Variants in MAMDC2 observed in about 807,000 individuals in gnomAD.
MAMDC2 encodes the protein MAM domain containing 2, also known as MAM domain-containing protein 2.
A neutral mutation model predicts 89.8 loss-of-function variants in MAMDC2; 57 were observed. The observed-to-expected ratio is 0.63, with a 90% CI of 0.51 to 0.79. The LOEUF is 0.79. MAMDC2 is among the 30% of genes least tolerant of loss of function. MAMDC2 has a pLI of 0.00. For missense variants in MAMDC2, 800 were observed against 820.6 expected, an observed-to-expected ratio of 0.97 and a Z score of 0.31; for synonymous variants, 313 against 293.4, an observed-to-expected ratio of 1.07 and a Z score of -0.68.
chr9:70,069,459 C>T (rs1182674259), intron 2 of MAMDC2, among the ~76,000 whole-genome samples: 1 of 152,158 alleles, frequency 6.6e-6, no homozygotes, highest in African/African-American at 2.4e-5. Flanking sequence ...GTGTATCAAA[C>T]AGCCAAGGCT....
At chr9:70,058,661 T>TG (rs75758544) in intron 2 of MAMDC2, among the ~76,000 whole-genome samples, 16,550 of 152,236 alleles carry the variant, frequency 0.11, 1,305 homozygotes, top group East Asian at 0.35. Flanking sequence ...GGCTCCTGCC[T>TG]GCCTTCTGTG....
At chr9:70,084,008 T>C (rs1368122368) in intron 2 of MAMDC2, among the ~76,000 whole-genome samples, 1 of 152,122 alleles carries the variant, frequency 6.6e-6, no homozygotes, top group Non-Finnish European at 1.5e-5. Flanking sequence ...TCTTTTCCAA[T>C]GTTAATGTTT....
At chr9:70,218,228 G>A in intron 11 of MAMDC2, 109 bp from the exon 12 acceptor site, 2 of 1,209,730 alleles carry the variant, frequency 1.7e-6, no homozygotes, top group Non-Finnish European at 2.3e-6. Flanking sequence ...CCCTTTATCA[G>A]TACTTTTAGT....
At chr9:70,204,811 C>T (rs553455332) in intron 11 of MAMDC2, among the ~76,000 whole-genome samples, 1 of 152,264 alleles carries the variant, frequency 6.6e-6, no homozygotes, top group South Asian at 2.1e-4. Context: ...TGGGAGTGAC[C>T]CGATTTTCCA....
intron 12 of MAMDC2, among the ~76,000 whole-genome samples, chr9:70,224,579 A>G (rs10868742): frequency 0.86 from 130,338 of 152,148 alleles, 56,068 homozygotes; most frequent in East Asian, 0.96. Context: ...CAGAAGAGAG[A>G]GCAAACTTGC....
chr9:70,096,030 T>C (rs1232411716), intron 2 of MAMDC2, among the ~76,000 whole-genome samples: 3 of 152,112 alleles, frequency 2.0e-5, no homozygotes, highest in African/African-American at 7.2e-5. Context: ...AAGTTTTTTT[T>C]TTCTTTTTTT....
intron 11 of MAMDC2, among the ~76,000 whole-genome samples, chr9:70,192,897 G>A (rs948010742): frequency 1.3e-4 from 20 of 152,154 alleles, no homozygotes; most frequent in Non-Finnish European, 2.5e-4. Context: ...TCAAGGGCGA[G>A]GGAGGTTCTG....
At chr9:70,144,640 G>A (rs1348577553) in intron 9 of MAMDC2, among the ~76,000 whole-genome samples, 1 of 152,178 alleles carries the variant, frequency 6.6e-6, no homozygotes, top group Admixed American at 6.5e-5. Flanking sequence ...CCTTCAAACA[G>A]ATAACTCACA....
intron 9 of MAMDC2, among the ~76,000 whole-genome samples, chr9:70,165,857 A>G (rs985806487): frequency 2.0e-5 from 3 of 152,226 alleles, no homozygotes; most frequent in African/African-American, 7.2e-5. Flanking sequence ...AGTGGCTATC[A>G]TAATAGACAA....
At chr9:70,159,997 AG>A (rs2031910926) in intron 9 of MAMDC2, among the ~76,000 whole-genome samples, 1 of 152,126 alleles carries the variant, frequency 6.6e-6, no homozygotes, top group South Asian at 2.1e-4. Flanking sequence ...AGATCACTTG[AG>A]GCCAGGAGAT....
At chr9:70,109,911 G>A in intron 4 of MAMDC2, 107 bp downstream of exon 4, 1 of 859,978 alleles carries the variant, frequency 1.2e-6, no homozygotes, top group Non-Finnish European at 2.0e-6. Flanking sequence ...TTTATAGAAT[G>A]CACTGCATAA....
intron 11 of MAMDC2, among the ~76,000 whole-genome samples, chr9:70,195,697 C>A (rs2032962816): frequency 6.6e-6 from 1 of 152,024 alleles, no homozygotes; most frequent in Admixed American, 6.6e-5. Context: ...TCTCCATTAT[C>A]AGATGTTCTG....
intron 11 of MAMDC2, among the ~76,000 whole-genome samples, chr9:70,183,823 T>TG (rs2032694174): frequency 1.3e-5 from 2 of 152,210 alleles, no homozygotes; most frequent in Admixed American, 1.3e-4. Context: ...GTCTTTTAAT[T>TG]GGGGCATTTA....
intron 2 of MAMDC2, among the ~76,000 whole-genome samples, chr9:70,089,919 T>G (rs1363169864): frequency 6.6e-6 from 1 of 152,164 alleles, no homozygotes; most frequent in Non-Finnish European, 1.5e-5. Context: ...AACCTAAATA[T>G]GTCTTATACT....
At chr9:70,215,067 G>GA (rs1223081603) in intron 11 of MAMDC2, among the ~76,000 whole-genome samples, 1 of 152,134 alleles carries the variant, frequency 6.6e-6, no homozygotes, top group Non-Finnish European at 1.5e-5. Context: ...AAGGAAGTAA[G>GA]AATAGCGAAG....
At chr9:70,208,474 C>A (rs1256469525) in intron 11 of MAMDC2, among the ~76,000 whole-genome samples, 1 of 152,160 alleles carries the variant, frequency 6.6e-6, no homozygotes, top group Non-Finnish European at 1.5e-5. Context: ...GATTTTTGCA[C>A]ATTGATTTTG....
intron 10 of MAMDC2, among the ~76,000 whole-genome samples, chr9:70,169,349 C>T (rs1290952546): frequency 6.6e-6 from 1 of 152,182 alleles, no homozygotes; most frequent in Non-Finnish European, 1.5e-5. Context: ...TGGTGCATAA[C>T]TCAATCCCAA....
chr9:70,225,962 T>G lies in MAMDC2; in HGVS notation c.1997-6T>G, dbSNP rs374683920. ...ACTGTTATTGTATATTTGTCTTTCC[T>G]GACAGAAATGGAAGATACAACTCAA... On this transcript the variant is annotated splice_polypyrimidine_tract_variant and splice_region_variant and intron_variant, in intron 13 of 13. Transcript: ENST00000377182. 13 of 1,563,348 alleles carry G rather than the reference T, an allele frequency of 8.3e-6. No homozygotes were observed. The highest frequency in any genetic ancestry group is 2.7e-5 in the African/African-American group (2 of 73,218).
intron 12 of MAMDC2, among the ~76,000 whole-genome samples, chr9:70,219,812 T>A (rs1041211250): frequency 6.6e-6 from 1 of 152,220 alleles, no homozygotes; most frequent in Non-Finnish European, 1.5e-5. Flanking sequence ...CTAATATAAT[T>A]GATCATTATT....
Sources: allele counts gnomAD v4.1 joint callset (sites outside exome capture counted in the v4.1 genomes callset), GRCh38; gene constraint gnomAD v4.1.1; transcripts MANE v1.5; gene names NCBI Gene and HGNC (gene_info 2026-07-23, HGNC 2026-07-21).